Variants in MYNN observed in about 807,000 individuals in gnomAD.
MYNN encodes the protein myoneurin, also known as zinc finger and BTB domain-containing protein 31.
Under a neutral mutation model 57.2 loss-of-function variants are expected in MYNN, and 22 were observed. That is an observed-to-expected ratio of 0.38 (90% CI 0.27 to 0.55). The LOEUF (loss-of-function observed/expected upper bound fraction) is 0.55. Among genes scored for constraint, MYNN ranks in the 20% least tolerant of loss-of-function variants. The pLI is 0.71. For synonymous variants in MYNN, 241 were observed against 257.1 expected, an observed-to-expected ratio of 0.94 and a Z score of 0.60; for missense variants, 566 against 723.1, an observed-to-expected ratio of 0.78 and a Z score of 2.49.
chr3:169,779,568 C>T lies in MYNN; in HGVS notation c.1060+7C>T, dbSNP rs755650950. On this transcript the variant is annotated splice_region_variant and intron_variant, in intron 3 of 7. Coordinates refer to ENST00000349841, the MANE Select transcript of MYNN (RefSeq NM_018657.5). ...CATGTAAGAACTCATACAGGTGAGA[C>T]GGGTGTGTGGGGAGATATTATTTTT... 6.2e-6 allele frequency: 10 copies of T among 1,609,860 alleles called. No individual in the cohort carries two copies. Among genetic ancestry groups the T allele is most frequent in the African/African-American group, 4.0e-5 (3 of 74,744 alleles).
chr3:169,781,155 A>G (rs1778502423), intron 4 of MYNN, among the ~76,000 whole-genome samples: 1 of 152,226 alleles, frequency 6.6e-6, no homozygotes, highest in Non-Finnish European at 1.5e-5. Context: ...TAAAGTTAGA[A>G]ATAATAGAAT....
intron 1 of MYNN, 173 bp from the exon 2 acceptor site, chr3:169,774,092 A>G: frequency 1.7e-6 from 1 of 580,188 alleles, no homozygotes; most frequent in Admixed American, 3.0e-5. Flanking sequence ...GTGTTAGTTG[A>G]TCAAGGTAAC....
chr3:169,784,281 C>T (rs1356990724), intron 6 of MYNN, among the ~76,000 whole-genome samples: 2 of 151,964 alleles, frequency 1.3e-5, no homozygotes, highest in Non-Finnish European at 2.9e-5. Context: ...TTATTTTCTC[C>T]CAGCTGTATC....
chr3:169,786,513 G>A lies in MYNN; in HGVS notation c.1668G>A (p.Lys556=), dbSNP rs771383949. ...CTTTATCAGAAACTATGGATGTGAA[G>A]CCTTCTGATATGACTTTACCATTAG... ...KSPLSETMDV[K]PSDMTLPLAL... is the part of the protein sequence containing the mutation. The change falls in exon 8 of 8, where the codon AAG becomes AAA. Residue 556 remains lysine (K), a synonymous_variant. Coordinates refer to ENST00000349841, the MANE Select transcript of MYNN (RefSeq NM_018657.5). 27 of 1,613,498 alleles carry A rather than the reference G, an allele frequency of 1.7e-5. No homozygotes were observed. Among genetic ancestry groups the A allele is most frequent in the Non-Finnish European group, 2.3e-5 (27 of 1,179,660 alleles).
chr3:169,774,535 A>G lies in MYNN; in HGVS notation c.240A>G (p.Ile80Met). The G allele has an allele frequency of 6.2e-7, 1 of 1,613,532 alleles. No homozygotes were observed. Among genetic ancestry groups the G allele is most frequent in the Non-Finnish European group, 8.5e-7 (1 of 1,179,602 alleles). The change falls in exon 2 of 8, where the codon ATA (isoleucine) becomes ATG (methionine). Residue 80 changes from isoleucine (I) to methionine (M), a missense_variant. Physicochemically the swap from Ile to Met is conservative, Grantham distance 10. Coordinates refer to ENST00000349841, the MANE Select transcript of MYNN (RefSeq NM_018657.5). ...GATTTCAGAAACTGTTGGAGTTTAT[A>G]TACACAGGAACTTTAAATCTTGACA... is the stretch of plus-strand genomic sequence containing the variant. The part of the protein sequence containing the change: ...ADGFQKLLEF[I>M]YTGTLNLDSW...
In MYNN at chr3:169,779,206, C is replaced by G; in HGVS notation, c.705C>G (p.Leu235=). Residue 235 remains leucine (L), a synonymous_variant, in exon 3 of 8, where the codon CTC becomes CTG. Coordinates refer to ENST00000349841, the MANE Select transcript of MYNN (RefSeq NM_018657.5). ...QVAQINDNSE[L]ELTSVVENTF... ...CACAAATAAATGATAATTCAGAACT[C>G]GAGTTGACATCAGTTGTGGAAAATA... 3 of 1,614,078 alleles carry G rather than the reference C, an allele frequency of 1.9e-6. No homozygotes were observed. The highest frequency in any genetic ancestry group is 2.5e-6 in the Non-Finnish European group (3 of 1,180,016).
intron 6 of MYNN, among the ~76,000 whole-genome samples, chr3:169,784,220 G>T (rs909427323): frequency 2.0e-5 from 3 of 151,898 alleles, no homozygotes; most frequent in Non-Finnish European, 4.4e-5. Context: ...GTATTTTTAA[G>T]GATTTTCTAA....
At position 169,780,571 on chromosome 3, in the gene MYNN, A is replaced by C; in HGVS notation, c.1061-19A>C. ...AAAACACTATTTTCTTCTAAATATAAATTTTATTGTTCCTTTAGGTGAGAA... is the reference window on the plus strand; with the variant it reads ...AAAACACTATTTTCTTCTAAATATACATTTTATTGTTCCTTTAGGTGAGAA... On this transcript the variant is annotated intron_variant, in intron 3 of 7. Coordinates refer to ENST00000349841, the MANE Select transcript of MYNN (RefSeq NM_018657.5). 10 of 1,563,250 alleles carry C rather than the reference A, an allele frequency of 6.4e-6. No homozygotes were observed. Among genetic ancestry groups the C allele is most frequent in the Non-Finnish European group, 6.9e-6 (8 of 1,156,588 alleles).
intron 2 of MYNN, chr3:169,778,407 T>G (rs1778410103): frequency 2.4e-5 from 4 of 170,122 alleles, no homozygotes; most frequent in Admixed American, 2.3e-4. Context: ...TCCAGAAAAG[T>G]TGGTTGCTAT....
At position 169,786,495 on chromosome 3, in the gene MYNN, A is replaced by G. The variant is rs1169185854; in HGVS notation, c.1650A>G (p.Ser550=). The G allele has an allele frequency of 2.5e-6, 4 of 1,613,748 alleles. No homozygotes were observed. Among genetic ancestry groups the G allele is most frequent in the Non-Finnish European group, 3.4e-6 (4 of 1,179,658 alleles). ...EQDSIQKSPL[S]ETMDVKPSDM... ...ATTCCATACAAAAAAGTCCTTTATC[A>G]GAAACTATGGATGTGAAGCCTTCTG... Residue 550 remains serine (S), a synonymous_variant, in exon 8 of 8, where the codon TCA becomes TCG. Coordinates refer to ENST00000349841, the MANE Select transcript of MYNN (RefSeq NM_018657.5).
chr3:169,774,929 C>T (rs756316879), intron 2 of MYNN, among the ~76,000 whole-genome samples: 26 of 152,264 alleles, frequency 1.7e-4, no homozygotes, highest in Non-Finnish European at 3.5e-4. Flanking sequence ...ACCTCTGCCT[C>T]CCGGGTTCAA....
In MYNN at chr3:169,787,974, T is replaced by TC. The variant is rs1778719386; in HGVS notation, c.*1296_*1297insC. 6.6e-6 allele frequency: 1 copy of TC among 152,090 alleles called. No individual in the cohort carries two copies. The highest frequency in any genetic ancestry group is 2.4e-5 in the African/African-American group (1 of 41,430). 9.4% of individuals were successfully genotyped at this position (152,090 alleles called of 1,614,324 possible). A position where few individuals can be genotyped will look rare whatever the true frequency, so the allele number is the denominator to read the frequency against. ...ATGGTGATATTCTTTTTCTTTTTTT[T>TC]TCCCCCCACAAGGCTGTTGTTCAGT... On this transcript the variant is annotated 3_prime_UTR_variant, in exon 8 of 8. Transcript: ENST00000349841.
In MYNN at chr3:169,782,705, G is replaced by T; in HGVS notation, c.1399+62G>T. 1 of 1,386,918 alleles carries T rather than the reference G, an allele frequency of 7.2e-7. No individual in the cohort carries two copies. Among genetic ancestry groups the T allele is most frequent in the South Asian group, 1.3e-5 (1 of 75,182 alleles). 85.9% of individuals were successfully genotyped at this position (1,386,918 alleles called of 1,614,324 possible). Reference sequence around the variant, plus strand: ...TATAAATAAAAGAAAAAGGGGACTTGGGCCTTTTAGCGAAGTAGATCGGAA... The same window carrying T: ...TATAAATAAAAGAAAAAGGGGACTTTGGCCTTTTAGCGAAGTAGATCGGAA... On this transcript the variant is annotated intron_variant, in intron 5 of 7. Transcript: ENST00000349841. This position sits in a 1 kb window ranked among gnomAD's most constrained non-coding sequence, Gnocchi z 4.8.
In MYNN at chr3:169,779,122, A is replaced by G. The variant is rs1405270101; in HGVS notation, c.621A>G (p.Ala207=). ...ATCCCAGTGACATCTTAGAGAATGC[A>G]TCTGTTGAATTATTCCTAGATGCAA... ...VQYPSDILEN[A]SVELFLDANK... The change falls in exon 3 of 8, where the codon GCA becomes GCG. Residue 207 remains alanine, a synonymous_variant. Transcript: ENST00000349841. 6.2e-7 allele frequency: 1 copy of G among 1,614,166 alleles called. No individual in the cohort carries two copies. The highest frequency in any genetic ancestry group is 2.2e-5 in the East Asian group (1 of 44,894).
chr3:169,784,843 A>C (rs1243764129), intron 7 of MYNN, 135 bp downstream of exon 7: 3 of 452,874 alleles, frequency 6.6e-6, no homozygotes, highest in African/African-American at 2.1e-5. Context: ...AACTAGGTAT[A>C]TACATGTGAG....
rs556289188 is a variant in MYNN at position 169,782,198 on chromosome 3, A to C, written c.1221-267A>C. On this transcript the variant is annotated intron_variant, in intron 4 of 7. Transcript: ENST00000349841. This position sits in a 1 kb window ranked among gnomAD's most constrained non-coding sequence, Gnocchi z 4.8. The stretch of plus-strand genomic sequence containing the variant: ...AAGTCAAAGAGTGACTAGACTCATG[A>C]AAATAATTGCCTGCAGTATTAGGGG... Among the ~76,000 whole-genome samples, 2 of 152,308 alleles carry C rather than the reference A, an allele frequency of 1.3e-5. No individual in the cohort carries two copies. Among genetic ancestry groups the C allele is most frequent in the East Asian group, 3.9e-4 (2 of 5,186 alleles).
intron 5 of MYNN, among the ~76,000 whole-genome samples, chr3:169,783,111 A>AT (rs909690891): frequency 2.3e-4 from 35 of 152,138 alleles, no homozygotes; most frequent in African/African-American, 7.9e-4. Context: ...TTTAGGGTAC[A>AT]TTTTTTAAAA....
At position 169,786,694 on chromosome 3, in the gene MYNN, G is replaced by A. The variant is rs1287230267; in HGVS notation, c.*16G>A. 6.2e-7 allele frequency: 1 copy of A among 1,605,396 alleles called. No individual in the cohort carries two copies. Among genetic ancestry groups the A allele is most frequent in the African/African-American group, 1.3e-5 (1 of 74,684 alleles). ...ATTATACTGACTTTGTAAGGAATAT[G>A]GAATTGCTAAGATATCATTGGTAGC... On this transcript the variant is annotated 3_prime_UTR_variant, in exon 8 of 8. Coordinates refer to ENST00000349841, the MANE Select transcript of MYNN (RefSeq NM_018657.5).
chr3:169,783,744 A>C, intron 6 of MYNN, 184 bp downstream of exon 6: 1 of 651,042 alleles, frequency 1.5e-6, no homozygotes, highest in South Asian at 1.6e-5. Flanking sequence ...TTGGAGTATG[A>C]ATTAAATTTG....
Sources: allele counts gnomAD v4.1 joint callset (sites outside exome capture counted in the v4.1 genomes callset), GRCh38; gene constraint gnomAD v4.1.1; non-coding constraint Gnocchi (gnomAD v3.1); transcripts MANE v1.5; gene names NCBI Gene and HGNC (gene_info 2026-07-23, HGNC 2026-07-21).